RNF24: variants seen among roughly 807,000 people sequenced by gnomAD.
RNF24 encodes ring finger protein 24.
A neutral mutation model predicts 20.0 loss-of-function variants in RNF24; 14 were observed. That is an observed-to-expected ratio of 0.70 (90% CI 0.46 to 1.10). The LOEUF is 1.10. Ranked by LOEUF, RNF24 falls within the 50% of genes least tolerant of loss-of-function variation. The pLI is 0.00. For missense variants in RNF24, 124 were observed against 177.6 expected, an observed-to-expected ratio of 0.70 and a Z score of 1.71; for synonymous variants, 45 against 61.1, an observed-to-expected ratio of 0.74 and a Z score of 1.23.
intron 2 of RNF24, among the ~76,000 whole-genome samples, chr20:3,953,295 A>G (rs1372511737): frequency 6.6e-6 from 1 of 151,262 alleles, no homozygotes; most frequent in East Asian, 1.9e-4. Flanking sequence ...GGGACTACAG[A>G]CACCCGCCAC....
intron 4 of RNF24, among the ~76,000 whole-genome samples, chr20:3,944,898 G>A (rs1486427535): frequency 3.3e-5 from 5 of 152,130 alleles, no homozygotes; most frequent in Non-Finnish European, 7.4e-5. Context: ...AAAAACTAAC[G>A]TATCTGTTTC....
intron 1 of RNF24, among the ~76,000 whole-genome samples, chr20:3,997,778 C>T (rs370044614): frequency 2.6e-5 from 4 of 152,134 alleles, no homozygotes; most frequent in Non-Finnish European, 5.9e-5. Flanking sequence ...CTACATTAGG[C>T]AACTAATTAG....
intron 1 of RNF24, among the ~76,000 whole-genome samples, chr20:3,976,464 T>C (rs1173375214): frequency 6.6e-6 from 1 of 152,228 alleles, no homozygotes; most frequent in African/African-American, 2.4e-5. Flanking sequence ...GAAAATAGTT[T>C]GTCAGTTTCT....
At chr20:3,981,223 T>C (rs1225541281) in intron 1 of RNF24, among the ~76,000 whole-genome samples, 1 of 152,082 alleles carries the variant, frequency 6.6e-6, no homozygotes, top group Admixed American at 6.5e-5. Flanking sequence ...CCAAGTGTAT[T>C]TGGCTGATTC....
intron 1 of RNF24, among the ~76,000 whole-genome samples, chr20:3,991,411 C>A (rs957554674): frequency 2.0e-5 from 3 of 151,920 alleles, no homozygotes; most frequent in African/African-American, 4.8e-5. Flanking sequence ...TGCCACCATG[C>A]CCAGCTAATT....
chr20:3,952,296 C>T (rs1196523494), intron 2 of RNF24, among the ~76,000 whole-genome samples: 1 of 152,142 alleles, frequency 6.6e-6, no homozygotes, highest in Admixed American at 6.5e-5. Context: ...TTTTCTCTTA[C>T]ACATTTCTCC....
chr20:3,963,609 T>C (rs1032050927), intron 2 of RNF24, among the ~76,000 whole-genome samples: 3 of 152,188 alleles, frequency 2.0e-5, no homozygotes, highest in Non-Finnish European at 4.4e-5. Context: ...ATGACATACG[T>C]GTATCTGTTT....
rs1175750922 is a variant in RNF24, at chr20:3,997,020, A to G, written c.-8+18417T>C. On this transcript the variant is annotated intron_variant, in intron 1 of 5. Coordinates refer to ENST00000358395, the MANE Select transcript of RNF24 (RefSeq NM_001134337.3). ...CGGATCACGAGGTCAGGGGATCGAG[A>G]CCATCCTGGCTAACACGGTGAAACC... is the stretch of plus-strand genomic sequence containing the variant. Among the ~76,000 whole-genome samples the G allele has an allele frequency of 2.0e-5, 3 of 151,900 alleles. No homozygotes were observed. The East Asian group carries it at 5.8e-4, about 29-fold the overall frequency.
intron 2 of RNF24, 115 bp downstream of exon 2, chr20:3,963,760 A>C: frequency 1.3e-6 from 1 of 772,132 alleles, no homozygotes; most frequent in Non-Finnish European, 2.0e-6. Context: ...AGCCATCTTA[A>C]TTTTTTAAAA....
Position 3,928,154 on chromosome 20 carries a change from TCTG to T in RNF24, c.*5906_*5908del, listed in dbSNP as rs2090754422. 1 of 152,298 alleles carries T rather than the reference TCTG, an allele frequency of 6.6e-6. No homozygotes were observed. The highest frequency in any genetic ancestry group is 1.9e-4 in the East Asian group (1 of 5,176). 9.4% of individuals were successfully genotyped at this position (152,298 alleles called of 1,614,324 possible). ...TGGACATGTCCATCTGCTTAAGAAA[TCTG>T]CTTAAGAAATCTGTAACAGCTACAG... On this transcript the variant is annotated 3_prime_UTR_variant, in exon 6 of 6. Transcript: ENST00000358395.
intron 2 of RNF24, among the ~76,000 whole-genome samples, chr20:3,951,449 T>TA: frequency 6.6e-6 from 1 of 152,320 alleles, no homozygotes; most frequent in South Asian, 2.1e-4. Context: ...TATACTCTAT[T>TA]ATTTTCTCAA....
At chr20:3,962,216 T>C (rs2091209583) in intron 2 of RNF24, among the ~76,000 whole-genome samples, 2 of 151,916 alleles carry the variant, frequency 1.3e-5, no homozygotes. Flanking sequence ...ATTGGCCAGG[T>C]GTGGTGGCAG....
chr20:3,933,273 C>T lies in RNF24; in HGVS notation c.*790G>A, dbSNP rs887424644. On this transcript the variant is annotated 3_prime_UTR_variant, in exon 6 of 6. Coordinates refer to ENST00000358395, the MANE Select transcript of RNF24 (RefSeq NM_001134337.3). The stretch of plus-strand genomic sequence containing the variant: ...TTCTGAGGCAGTGGCAGTGGGCTCA[C>T]AGCAGCTACACTGGAACCACAGTGC... 2 of 397,916 alleles carry T rather than the reference C, an allele frequency of 5.0e-6. No individual in the cohort carries two copies. Among genetic ancestry groups the T allele is most frequent in the Non-Finnish European group, 8.8e-6 (2 of 226,100 alleles). 24.6% of individuals were successfully genotyped at this position (397,916 alleles called of 1,614,324 possible). A position where few individuals can be genotyped will look rare whatever the true frequency, so the allele number is the denominator to read the frequency against.
chr20:3,934,015 GC>G lies in RNF24; in HGVS notation c.*47del, dbSNP rs2090859044. ...ACAGACACCACATGTGTTCCTCCTG[GC>G]TCCACACAGACGTCGTGTCCAGCAA... On this transcript the variant is annotated 3_prime_UTR_variant, in exon 6 of 6. Coordinates refer to ENST00000358395, the MANE Select transcript of RNF24 (RefSeq NM_001134337.3). The surrounding 1 kb of genome is among the most constrained non-coding windows in gnomAD (Gnocchi z 4.0). 2.8e-6 allele frequency: 4 copies of G among 1,414,280 alleles called. No homozygotes were observed. Among genetic ancestry groups the G allele is most frequent in the Middle Eastern group, 2.1e-4 (1 of 4,744 alleles). 87.6% of individuals were successfully genotyped at this position (1,414,280 alleles called of 1,614,324 possible). A position where few individuals can be genotyped will look rare whatever the true frequency, so the allele number is the denominator to read the frequency against.
chr20:3,971,484 CTTGAG>C (rs1808561184), intron 1 of RNF24, among the ~76,000 whole-genome samples: 1 of 152,156 alleles, frequency 6.6e-6, no homozygotes, highest in Admixed American at 6.5e-5. Flanking sequence ...ACTTCCTTCT[CTTGAG>C]TTTTCTAAAT....
Position 3,929,240 on chromosome 20 carries a change from A to AAAT in RNF24, c.*4820_*4822dup, listed in dbSNP as rs1426013569. On this transcript the variant is annotated 3_prime_UTR_variant, in exon 6 of 6. Transcript: ENST00000358395. ...TGAGTTGAGACCTGTCTCTACAAAAAAATAATTACGAAAATTAGCCAGGTG... is the reference window on the plus strand; with the variant it reads ...TGAGTTGAGACCTGTCTCTACAAAAAAATAATAATTACGAAAATTAGCCAGGTG... 6.6e-6 allele frequency: 1 copy of AAAT among 152,288 alleles called. No homozygotes were observed. Among genetic ancestry groups the AAAT allele is most frequent in the Non-Finnish European group, 1.5e-5 (1 of 68,086 alleles). 9.4% of individuals were successfully genotyped at this position (152,288 alleles called of 1,614,324 possible).
At chr20:3,977,673 G>A (rs1428934852) in intron 1 of RNF24, among the ~76,000 whole-genome samples, 2 of 152,004 alleles carry the variant, frequency 1.3e-5, no homozygotes, top group Admixed American at 1.3e-4. Context: ...AGACCATCCT[G>A]GCTAACACGG....
In RNF24 at chr20:3,928,662, G is replaced by A. The variant is rs241599; in HGVS notation, c.*5401C>T. On this transcript the variant is annotated 3_prime_UTR_variant, in exon 6 of 6. Transcript: ENST00000358395. ...GTCCCAGCTCCCGAGGCGGGAGAAT[G>A]GCGTGAACCTGGGAGGCGGAGCTTG... The A allele has an allele frequency of 0.49, 71,255 of 145,682 alleles. 18,260 individuals are homozygous for A. The highest frequency in any genetic ancestry group is 0.66 in the African/African-American group (26,194 of 39,582). 9.0% of individuals were successfully genotyped at this position (145,682 alleles called of 1,614,324 possible).
intron 1 of RNF24, among the ~76,000 whole-genome samples, chr20:3,976,406 G>C (rs1449308409): frequency 3.3e-5 from 5 of 152,174 alleles, no homozygotes; most frequent in Non-Finnish European, 5.9e-5. Flanking sequence ...AGAGAAACTA[G>C]AGCACTTTAT....
Sources: allele counts gnomAD v4.1 joint callset (sites outside exome capture counted in the v4.1 genomes callset), GRCh38; gene constraint gnomAD v4.1.1; non-coding constraint Gnocchi (gnomAD v3.1); transcripts MANE v1.5; gene names NCBI Gene and HGNC (gene_info 2026-07-23, HGNC 2026-07-21).